The following FCSK variants were observed in gnomAD, a reference collection of about 807,000 sequenced individuals.
FCSK encodes the protein fucose kinase.
A neutral mutation model predicts 122.5 loss-of-function variants in FCSK; 123 were observed. The observed-to-expected ratio is 1.00, with a 90% CI of 0.87 to 1.17. The LOEUF (loss-of-function observed/expected upper bound fraction) is 1.17, where lower values mean the gene tolerates loss of function less well. Ranked by LOEUF, FCSK falls within the 50% of genes most tolerant of loss-of-function variation. The pLI, the probability that FCSK is intolerant of heterozygous loss-of-function variation, is 0.00. For synonymous variants in FCSK, 620 were observed against 625.5 expected, an observed-to-expected ratio of 0.99 and a Z score of 0.13; for missense variants, 1,366 against 1,450.4, an observed-to-expected ratio of 0.94 and a Z score of 0.95.
chr16:70,469,829 G>C (rs1231365346), intron 10 of FCSK, among the ~76,000 whole-genome samples: 2 of 151,346 alleles, frequency 1.3e-5, no homozygotes, highest in African/African-American at 4.9e-5. Flanking sequence ...CACCATGCCC[G>C]GCCCTAACCT....
intron 20 of FCSK, 197 bp from the exon 21 acceptor site, chr16:70,478,075 C>T: frequency 3.4e-6 from 2 of 589,706 alleles, no homozygotes; most frequent in South Asian, 2.2e-5. Flanking sequence ...GAATTCCAAG[C>T]TTTGCCCTAG....
intron 4 of FCSK, among the ~76,000 whole-genome samples, chr16:70,465,776 A>G (rs913957336): frequency 6.6e-6 from 1 of 151,632 alleles, no homozygotes; most frequent in Non-Finnish European, 1.5e-5. Context: ...GCATGGTGAA[A>G]CTCTGTCTTT....
At position 70,465,106 on chromosome 16, in the gene FCSK, GGGCT is replaced by G; in HGVS notation, c.235-19_235-16del. ...CGTCTGCCTGAGGCCTCTGTTCACA[GGGCT>G]TTCCCACTCCTGCAGGTGGTCACAT... On this transcript the variant is annotated splice_polypyrimidine_tract_variant and intron_variant, in intron 3 of 23. Coordinates refer to ENST00000288078, the MANE Select transcript of FCSK (RefSeq NM_145059.3). 1 of 1,613,416 alleles carries G rather than the reference GGGCT, an allele frequency of 6.2e-7. No homozygotes were observed. Among genetic ancestry groups the G allele is most frequent in the Non-Finnish European group, 8.5e-7 (1 of 1,179,748 alleles).
rs554866648 is a variant in FCSK at position 70,474,164 on chromosome 16, C to T, written c.1813C>T (p.Arg605Trp). The change falls in exon 16 of 24, where the codon CGG becomes TGG. Residue 605 changes from arginine (R) to tryptophan (W), a missense_variant. Transcript: ENST00000288078. ...AGAGDPGVAA[R>W]ALACVADVLG... is the part of the protein sequence containing the mutation. ...GGCAGGAGACCCTGGTGTGGCGGCA[C>T]GGGCACTGGCCTGTGTGGCGGACGT... The T allele has an allele frequency of 1.3e-4, 198 of 1,556,728 alleles. No homozygotes were observed. Among genetic ancestry groups the T allele is most frequent in the Middle Eastern group, 1.7e-4 (1 of 5,972 alleles).
At chr16:70,475,942 AATG>A in intron 20 of FCSK, 175 bp downstream of exon 20, 1 of 622,708 alleles carries the variant, frequency 1.6e-6, no homozygotes, top group Non-Finnish European at 2.5e-6. Flanking sequence ...TTCAACCTGA[AATG>A]TTCTACCTCC....
chr16:70,467,272 G>A (rs2048447625), intron 6 of FCSK, 102 bp from the exon 7 acceptor site: 2 of 739,066 alleles, frequency 2.7e-6, no homozygotes, highest in Admixed American at 5.6e-5. Context: ...CCTTTTAGAG[G>A]TGCCCAGGTG....
At position 70,469,218 on chromosome 16, in the gene FCSK, G is replaced by GCCCT; in HGVS notation, c.850_851insCCCT (p.Gly284AlafsTer53). ...CGTGACCAGGGAGGACTTCCTGGTG[G>GCCCT]GGAGGCCCCCAGAGTTGGGGCAAGG... On this transcript the variant is annotated frameshift_variant, in exon 10 of 24. Coordinates refer to ENST00000288078, the MANE Select transcript of FCSK (RefSeq NM_145059.3). LOFTEE classifies it high-confidence loss of function. 6.2e-7 allele frequency: 1 copy of GCCCT among 1,614,114 alleles called. No individual in the cohort carries two copies. The highest frequency in any genetic ancestry group is 2.2e-5 in the East Asian group (1 of 44,878).
intron 8 of FCSK, among the ~76,000 whole-genome samples, chr16:70,468,590 G>A (rs12445830): frequency 0.94 from 143,140 of 152,156 alleles, 67,426 homozygotes; most frequent in East Asian, 1. Context: ...GAGGCATGGA[G>A]ATCTGGGAGT....
intron 1 of FCSK, among the ~76,000 whole-genome samples, chr16:70,456,392 A>G (rs542742554): frequency 6.6e-6 from 1 of 152,192 alleles, no homozygotes; most frequent in Non-Finnish European, 1.5e-5. Flanking sequence ...AGTGCCTGAA[A>G]AAGCACTCCA....
chr16:70,474,268 A>G lies in FCSK; in HGVS notation c.1917A>G (p.Ser639=). 1.2e-6 allele frequency: 2 copies of G among 1,613,114 alleles called. No individual in the cohort carries two copies. The highest frequency in any genetic ancestry group is 1.7e-6 in the Non-Finnish European group (2 of 1,179,846). Residue 639 remains serine, a synonymous_variant, in exon 16 of 24, where the codon TCA becomes TCG. Coordinates refer to ENST00000288078, the MANE Select transcript of FCSK (RefSeq NM_145059.3). ...AANPEWMRPF[S]YLECGDLAAG... ...ACCCTGAGTGGATGCGGCCCTTCTCATACCTGGAGTGTGGAGACCTGGCAG... is the reference window on the plus strand; with the variant it reads ...ACCCTGAGTGGATGCGGCCCTTCTCGTACCTGGAGTGTGGAGACCTGGCAG...
Position 70,469,150 on chromosome 16 carries a change from A to G in FCSK, c.784-2A>G, listed in dbSNP as rs760093583. 1.2e-6 allele frequency: 2 copies of G among 1,613,906 alleles called. No individual in the cohort carries two copies. The highest frequency in any genetic ancestry group is 2.2e-5 in the East Asian group (1 of 44,864). Reference sequence around the variant, plus strand: ...TAGCTGTGCTTCTTCCCCTTCCCCTAGCTGTCTCTGTTTTTTGACATTCTC... The same window carrying G: ...TAGCTGTGCTTCTTCCCCTTCCCCTGGCTGTCTCTGTTTTTTGACATTCTC... On this transcript the variant is annotated splice_acceptor_variant, in intron 9 of 23. Coordinates refer to ENST00000288078, the MANE Select transcript of FCSK (RefSeq NM_145059.3). LOFTEE classifies it high-confidence loss of function.
intron 4 of FCSK, 49 bp from the exon 5 acceptor site, chr16:70,466,083 C>G (rs895930488): frequency 3.1e-6 from 5 of 1,595,766 alleles, no homozygotes; most frequent in Non-Finnish European, 4.3e-6. Flanking sequence ...GATGAGGTGG[C>G]CTTGGGCTCT....
In FCSK at chr16:70,463,149, T is replaced by C. The variant is rs2048319235; in HGVS notation, c.-22-20T>C. 2.2e-6 allele frequency: 3 copies of C among 1,392,914 alleles called. No homozygotes were observed. The highest frequency in any genetic ancestry group is 3.0e-6 in the Non-Finnish European group (3 of 983,888). 86.3% of individuals were successfully genotyped at this position (1,392,914 alleles called of 1,614,324 possible). Reference sequence around the variant, plus strand: ...TGATGGTTTAAAAAATAGTCACATCTACCCATATTGCTGTCTCAGGAAGCC... The same window carrying C: ...TGATGGTTTAAAAAATAGTCACATCCACCCATATTGCTGTCTCAGGAAGCC... On this transcript the variant is annotated intron_variant, in intron 1 of 23. Coordinates refer to ENST00000288078, the MANE Select transcript of FCSK (RefSeq NM_145059.3).
At chr16:70,476,168 A>G (rs963296052) in intron 20 of FCSK, 2 of 155,118 alleles carry the variant, frequency 1.3e-5, no homozygotes, top group African/African-American at 4.8e-5. Context: ...ACGCCCGGCT[A>G]ATTTTTTTGT....
intron 1 of FCSK, among the ~76,000 whole-genome samples, chr16:70,456,806 G>T (rs2048105189): frequency 1.3e-5 from 2 of 152,068 alleles, no homozygotes. Flanking sequence ...GGATCCCAAG[G>T]TCAGGAGTTT....
intron 1 of FCSK, among the ~76,000 whole-genome samples, chr16:70,457,417 G>A (rs982957168): frequency 1.3e-5 from 2 of 151,636 alleles, no homozygotes; most frequent in East Asian, 2.0e-4. Context: ...ACTACACCCG[G>A]CTAATTTTTG....
chr16:70,473,149 T>A lies in FCSK; in HGVS notation c.1573T>A (p.Ser525Thr), dbSNP rs1268560067. The A allele has an allele frequency of 8.4e-6, 13 of 1,551,804 alleles. No homozygotes were observed. The East Asian group carries it at 1.2e-4, about 14-fold the overall frequency. The change falls in exon 15 of 24, where the codon TCC becomes ACC. Residue 525 changes from serine to threonine, a missense_variant. Ser to Thr is a moderately conservative substitution (Grantham distance 58). Coordinates refer to ENST00000288078, the MANE Select transcript of FCSK (RefSeq NM_145059.3). This position sits in a 1 kb window ranked among gnomAD's most constrained non-coding sequence, Gnocchi z 4.9. ...CGAGGCCCTGCGAGCCTGGCGGGCC[T>A]CCTGGCGCCTGTCCTGGGAGCAGCT... ...GGEALRAWRA[S>T]WRLSWEQLQP... is the part of the protein sequence containing the mutation.
rs747608280 is a variant in FCSK, at chr16:70,475,662, C to T, written c.2536C>T (p.Leu846=). ...CCGCCCTGCAGGCACCAGCAGCATC[C>T]TGGCAGGCACTGCCCTGGCTGCCTT... ...HGSGLGTSSI[L]AGTALAALQR... The change falls in exon 20 of 24, where the codon CTG becomes TTG. Residue 846 remains leucine (L), a synonymous_variant. Transcript: ENST00000288078. 1.3e-6 allele frequency: 2 copies of T among 1,597,076 alleles called. No individual in the cohort carries two copies. The highest frequency in any genetic ancestry group is 1.7e-6 in the Non-Finnish European group (2 of 1,170,406).
chr16:70,471,274 C>G lies in FCSK; in HGVS notation c.1263C>G (p.Val421=). The change falls in exon 13 of 24, where the codon GTC becomes GTG. Residue 421 remains valine (V), a synonymous_variant. Coordinates refer to ENST00000288078, the MANE Select transcript of FCSK (RefSeq NM_145059.3). ...ATGGCCGGGAGCTGCGTGACCTTGT[C>G]CTGCAGGGACACCACACGCGGCTAC... The part of the protein sequence containing the change: ...ALHGRELRDL[V]LQGHHTRLHG... 1 of 1,609,084 alleles carries G rather than the reference C, an allele frequency of 6.2e-7. No homozygotes were observed. The highest frequency in any genetic ancestry group is 1.1e-5 in the South Asian group (1 of 90,284).
Sources: allele counts gnomAD v4.1 joint callset (sites outside exome capture counted in the v4.1 genomes callset), GRCh38; gene constraint gnomAD v4.1.1; non-coding constraint Gnocchi (gnomAD v3.1); transcripts MANE v1.5; gene names NCBI Gene and HGNC (gene_info 2026-07-23, HGNC 2026-07-21).